Variants in DOCK6 observed in about 807,000 individuals in gnomAD.
DOCK6 encodes dedicator of cytokinesis protein 6.
A neutral mutation model predicts 230.3 loss-of-function variants in DOCK6; 167 were observed. The observed-to-expected ratio is 0.73, with a 90% CI of 0.64 to 0.82. The LOEUF is 0.82. DOCK6 is among the 40% of genes least tolerant of loss of function. DOCK6 has a pLI of 0.00. For synonymous variants in DOCK6, 1,148 were observed against 1,185.0 expected, an observed-to-expected ratio of 0.97 and a Z score of 0.64; for missense variants, 2,598 against 2,825.8, an observed-to-expected ratio of 0.92 and a Z score of 1.83.
chr19:11,219,076 A>G (rs372106893), intron 28 of DOCK6, among the ~76,000 whole-genome samples: 3 of 146,006 alleles, frequency 2.1e-5, no homozygotes, highest in African/African-American at 7.6e-5. Flanking sequence ...ATGGGGTTTC[A>G]CTATGTTGGC....
rs755659130 is a variant in DOCK6 at position 11,202,145 on chromosome 19, T to TG, written c.5452-21dup. On this transcript the variant is annotated intron_variant, in intron 43 of 47. Coordinates refer to ENST00000294618, the MANE Select transcript of DOCK6 (RefSeq NM_020812.4). The surrounding 1 kb of genome is among the most constrained non-coding windows in gnomAD (Gnocchi z 5.3). ...GTAGGCCTGGGCGCAGGGTCAGGTG[T>TG]GAGGATCCCACAGCCCCAGCACGCA... 6.2e-7 allele frequency: 1 copy of TG among 1,610,928 alleles called. No individual in the cohort carries two copies. The highest frequency in any genetic ancestry group is 1.1e-5 in the South Asian group (1 of 90,944).
At chr19:11,203,414 G>A (rs972942674) in intron 41 of DOCK6, 3 of 152,746 alleles carry the variant, frequency 2.0e-5, no homozygotes, top group Non-Finnish European at 4.3e-5. Context: ...ACTGCCCCGT[G>A]AGAATCATTC....
chr19:11,201,000 C>T lies in DOCK6; in HGVS notation c.5741G>A (p.Arg1914Gln), dbSNP rs768573911. ...CTGCTCGGTGGCAAAGGCCAGCTCC[C>T]GTGTCTTCTTCTGCATGTCCTCGAT... The part of the protein sequence containing the change: ...VAIEDMQKKT[R>Q]ELAFATEQDP... Residue 1914 changes from arginine (R) to glutamine (Q), a missense_variant, in exon 45 of 48, where the codon CGG (arginine) becomes CAG (glutamine). By Grantham distance (43) the Arg-to-Gln change is conservative. Transcript: ENST00000294618. This position sits in a 1 kb window ranked among gnomAD's most constrained non-coding sequence, Gnocchi z 4.3. The T allele has an allele frequency of 3.2e-5, 52 of 1,613,796 alleles. No homozygotes were observed. The highest frequency in any genetic ancestry group is 1.2e-4 in the Admixed American group (7 of 59,994).
At position 11,236,718 on chromosome 19, in the gene DOCK6, G is replaced by A. The variant is rs944109807; in HGVS notation, c.2160+75C>T. 5.2e-6 allele frequency: 8 copies of A among 1,533,226 alleles called. No homozygotes were observed. The highest frequency in any genetic ancestry group is 2.0e-5 in the Admixed American group (1 of 50,762). The allele number at this position is 1,533,226 out of a possible 1,614,324, so 95.0% of individuals were successfully genotyped here. A position where few individuals can be genotyped will look rare whatever the true frequency, so the allele number is the denominator to read the frequency against. On this transcript the variant is annotated intron_variant, in intron 19 of 47. Transcript: ENST00000294618. The surrounding 1 kb of genome is among the most constrained non-coding windows in gnomAD (Gnocchi z 5.2). ...CTGAGGCCAGACCTCCCCGGCCATC[G>A]GCAACTGTTACTCAATCGTAGGGCA...
At chr19:11,252,270 C>T in intron 4 of DOCK6, 22 bp from the exon 5 acceptor site, 1 of 1,577,226 alleles carries the variant, frequency 6.3e-7, no homozygotes, top group Non-Finnish European at 8.6e-7. Flanking sequence ...CGGGGCTGGG[C>T]AGGTAGGGAG....
At chr19:11,233,081 T>C in intron 22 of DOCK6, 122 bp downstream of exon 22, 1 of 1,336,270 alleles carries the variant, frequency 7.5e-7, no homozygotes, top group Admixed American at 2.1e-5. Context: ...CTGCCCAGAG[T>C]GACGCCTTCA....
Position 11,200,244 on chromosome 19 carries a change from C to T in DOCK6, c.6101+64G>A, listed in dbSNP as rs8101345. On this transcript the variant is annotated intron_variant, in intron 47 of 47. Transcript: ENST00000294618. The surrounding 1 kb of genome is among the most constrained non-coding windows in gnomAD (Gnocchi z 4.3). The stretch of plus-strand genomic sequence containing the variant: ...TGTGTACAACAGCCCCCATCCTGTA[C>T]CTGTCCTGGTCTGCCTCTGCATCCC... The T allele has an allele frequency of 0.44, 652,929 of 1,497,118 alleles. 144,408 individuals are homozygous for T. The highest frequency in any genetic ancestry group is 0.58 in the African/African-American group (41,202 of 71,546). The allele number at this position is 1,497,118 out of a possible 1,614,324, so 92.7% of individuals were successfully genotyped here.
rs1317846257 is a variant in DOCK6 at position 11,243,482 on chromosome 19, C to A, written c.1258+75G>T. 1.9e-6 allele frequency: 3 copies of A among 1,542,702 alleles called. No homozygotes were observed. The highest frequency in any genetic ancestry group is 1.2e-5 in the South Asian group (1 of 83,634). On this transcript the variant is annotated intron_variant, in intron 11 of 47. Transcript: ENST00000294618. This position sits in a 1 kb window ranked among gnomAD's most constrained non-coding sequence, Gnocchi z 6.3. ...GGCCAGCAGAGGGCGCACCCCCTCGCCCCGTAGCCCCGCCCCAGGCCTGTC... is the reference window on the plus strand; with the variant it reads ...GGCCAGCAGAGGGCGCACCCCCTCGACCCGTAGCCCCGCCCCAGGCCTGTC...
intron 21 of DOCK6, 115 bp from the exon 22 acceptor site, chr19:11,233,481 C>T: frequency 1.5e-6 from 2 of 1,322,992 alleles, no homozygotes; most frequent in Non-Finnish European, 2.0e-6. Context: ...CCTCTAAGTT[C>T]CTCATCTATA....
chr19:11,243,099 C>G lies in DOCK6; in HGVS notation c.1440G>C (p.Arg480Ser). Reference protein sequence around the residue: ...EDLFKFLADMRRPSSLLRRLR... With the variant: ...EDLFKFLADMSRPSSLLRRLR... The stretch of plus-strand genomic sequence containing the variant: ...GTCGCCGCAGCAGGGACGACGGGCG[C>G]CTCATGTCAGCCAGGAACTTGAAGA... The change falls in exon 13 of 48, where the codon AGG becomes AGC. Residue 480 changes from arginine to serine, a missense_variant. Physicochemically the swap from Arg to Ser is moderately radical, Grantham distance 110. Coordinates refer to ENST00000294618, the MANE Select transcript of DOCK6 (RefSeq NM_020812.4). The surrounding 1 kb of genome is among the most constrained non-coding windows in gnomAD (Gnocchi z 6.3). 6.2e-7 allele frequency: 1 copy of G among 1,613,992 alleles called. No homozygotes were observed. Among genetic ancestry groups the G allele is most frequent in the Admixed American group, 1.7e-5 (1 of 60,018 alleles).
chr19:11,237,389 A>C (rs1417785714), intron 18 of DOCK6, 67 bp downstream of exon 18: 54 of 1,570,702 alleles, frequency 3.4e-5, no homozygotes, highest in Non-Finnish European at 4.3e-5. Flanking sequence ...GACAGGAAGG[A>C]AGGCAGGTGA....
At position 11,247,980 on chromosome 19, in the gene DOCK6, T is replaced by C. The variant is rs2080061082; in HGVS notation, c.806+86A>G. 9 of 1,163,672 alleles carry C rather than the reference T, an allele frequency of 7.7e-6. No homozygotes were observed. In the Admixed American group the frequency reaches 1.4e-4, roughly 18 times the overall value. The allele number at this position is 1,163,672 out of a possible 1,614,324, so 72.1% of individuals were successfully genotyped here. A position where few individuals can be genotyped will look rare whatever the true frequency, so the allele number is the denominator to read the frequency against. On this transcript the variant is annotated intron_variant, in intron 7 of 47. Transcript: ENST00000294618. ...TAGGTGACAGGGCCGCACACGGTAATGGCACTACTCATGTAGTGTGTACCC... is the reference window on the plus strand; with the variant it reads ...TAGGTGACAGGGCCGCACACGGTAACGGCACTACTCATGTAGTGTGTACCC...
Position 11,262,445 on chromosome 19 carries a change from C to T in DOCK6, c.-5G>A, listed in dbSNP as rs985325238. On this transcript the variant is annotated 5_prime_UTR_variant, in exon 1 of 48. Transcript: ENST00000294618. ...GCGGCGCTCGGAGGCAGCCATGGTCCTCGCGTCCCGCCGCCGCCGCCCCGG... is the reference window on the plus strand; with the variant it reads ...GCGGCGCTCGGAGGCAGCCATGGTCTTCGCGTCCCGCCGCCGCCGCCCCGG... 3 of 1,201,726 alleles carry T rather than the reference C, an allele frequency of 2.5e-6. No homozygotes were observed. The highest frequency in any genetic ancestry group is 1.0e-6 in the Non-Finnish European group (1 of 970,032). 74.4% of individuals were successfully genotyped at this position (1,201,726 alleles called of 1,614,324 possible). A position where few individuals can be genotyped will look rare whatever the true frequency, so the allele number is the denominator to read the frequency against.
In DOCK6 at chr19:11,236,411, G is replaced by C. The variant is rs1019626916; in HGVS notation, c.2327C>G (p.Ser776Cys). 3 of 1,588,732 alleles carry C rather than the reference G, an allele frequency of 1.9e-6. No homozygotes were observed. The highest frequency in any genetic ancestry group is 1.8e-5 in the Admixed American group (1 of 56,038). ...CACGAGCTTGTCCAGCACGTGGTGG[G>C]AGAAGGCCACAAGGGGTTCGGGGCT... The part of the protein sequence containing the change: ...LASPEPLVAF[S>C]HHVLDKLVRL... Residue 776 changes from serine to cysteine, a missense_variant, in exon 20 of 48, where the codon TCC becomes TGC. Physicochemically the swap from Ser to Cys is moderately radical, Grantham distance 112 (BLOSUM62 -1). Transcript: ENST00000294618. The surrounding 1 kb of genome is among the most constrained non-coding windows in gnomAD (Gnocchi z 5.2).
intron 14 of DOCK6, 198 bp downstream of exon 14, chr19:11,241,847 A>T: frequency 7.4e-7 from 1 of 1,351,580 alleles, no homozygotes; most frequent in Non-Finnish European, 1.0e-6. Context: ...GCGGGGACAA[A>T]GGCAGAGGAT....
At chr19:11,223,133 A>C in intron 24 of DOCK6, 27 bp from the exon 25 acceptor site, 1 of 1,604,302 alleles carries the variant, frequency 6.2e-7, no homozygotes, top group Non-Finnish European at 8.5e-7. Context: ...CTGTCAACCC[A>C]CACACCCAAA....
intron 33 of DOCK6, 54 bp from the exon 34 acceptor site, chr19:11,214,463 G>A: frequency 2.5e-6 from 4 of 1,613,686 alleles, no homozygotes; most frequent in East Asian, 2.2e-5. Context: ...TGGTTATGGG[G>A]AAAGGGAAGG....
intron 22 of DOCK6, among the ~76,000 whole-genome samples, chr19:11,229,732 C>T (rs1454531552): frequency 4.0e-5 from 6 of 151,724 alleles, no homozygotes; most frequent in Non-Finnish European, 8.8e-5. Flanking sequence ...GGGAGAAGAA[C>T]GTGAGGCTGG....
In DOCK6 at chr19:11,236,497, C is replaced by A; in HGVS notation, c.2241G>T (p.Val747=). The change falls in exon 20 of 48, where the codon GTG becomes GTT. Residue 747 remains valine (V), a synonymous_variant. Coordinates refer to ENST00000294618, the MANE Select transcript of DOCK6 (RefSeq NM_020812.4). The surrounding 1 kb of genome is among the most constrained non-coding windows in gnomAD (Gnocchi z 5.2). The stretch of plus-strand genomic sequence containing the variant: ...CCTGCTCCACGTTGCCCTCGCTCAG[C>A]ACAGTGTCCTTGAGCCGGAATGGGA... ...GAFPFRLKDT[V]LSEGNVEQEL... The A allele has an allele frequency of 6.2e-7, 1 of 1,603,676 alleles. No homozygotes were observed. The highest frequency in any genetic ancestry group is 1.7e-5 in the Admixed American group (1 of 58,286).
Sources: allele counts gnomAD v4.1 joint callset (sites outside exome capture counted in the v4.1 genomes callset), GRCh38; gene constraint gnomAD v4.1.1; non-coding constraint Gnocchi (gnomAD v3.1); transcripts MANE v1.5; gene names NCBI Gene and HGNC (gene_info 2026-07-23, HGNC 2026-07-21).